Variants in ATP10B observed in about 807,000 individuals in gnomAD.
The protein encoded by ATP10B is phospholipid-transporting ATPase VB.
A neutral mutation model predicts 141.2 loss-of-function variants in ATP10B; 122 were observed. The ratio of observed to expected loss-of-function variants is 0.86; its 90% CI spans 0.75 to 1.00. ATP10B has a LOEUF of 1.00. ATP10B is among the 50% of genes least tolerant of loss of function. The pLI is 0.00. For synonymous variants in ATP10B, 685 were observed against 692.0 expected (o/e 0.99, Z 0.16); for missense variants, 1,876 against 1,825.3 (o/e 1.03, Z -0.51).
At chr5:160,900,910 T>TTTG in the ATP10B span, among the ~76,000 whole-genome samples, 1 of 20,122 alleles carries the variant, frequency 5.0e-5, no homozygotes, top group Non-Finnish European at 1.0e-4. Context: ...GTAGAGAAGT[T>TTTG]TTTTTTTTTT....
At chr5:160,587,373 C>T (rs1221914143) in intron 24 of ATP10B, among the ~76,000 whole-genome samples, 2 of 152,084 alleles carry the variant, frequency 1.3e-5, no homozygotes, top group Non-Finnish European at 2.9e-5. Context: ...CATGATGCCT[C>T]CAGTTTTGTT....
At chr5:160,839,147 T>G (rs1432487594) in intron 1 of ATP10B, among the ~76,000 whole-genome samples, 1 of 152,148 alleles carries the variant, frequency 6.6e-6, no homozygotes, top group African/African-American at 2.4e-5. Flanking sequence ...AGGTATTCCT[T>G]TATAGTAAAG....
At chr5:160,602,878 G>C in intron 20 of ATP10B, 176 bp from the exon 21 acceptor site, 1 of 701,826 alleles carries the variant, frequency 1.4e-6, no homozygotes, top group Non-Finnish European at 2.3e-6. Flanking sequence ...TCCCTTCTGG[G>C]AAATCCAAAC....
chr5:160,925,409 C>A, the ATP10B span, among the ~76,000 whole-genome samples: 2 of 152,218 alleles, frequency 1.3e-5, no homozygotes, highest in Admixed American at 6.5e-5. Context: ...TTTATTATCA[C>A]CCCCGTTTGT....
At chr5:160,795,071 C>T (rs557582994) in intron 1 of ATP10B, among the ~76,000 whole-genome samples, 1 of 152,256 alleles carries the variant, frequency 6.6e-6, no homozygotes, top group Non-Finnish European at 1.5e-5. Context: ...TTCTCACTGA[C>T]TGTAAGGTTG....
the ATP10B span, among the ~76,000 whole-genome samples, chr5:160,862,459 T>C: frequency 2.0e-5 from 3 of 151,970 alleles, no homozygotes; most frequent in Admixed American, 1.3e-4. Context: ...TTTCTTGCAA[T>C]AAGTTTATTC....
chr5:160,763,016 C>T lies in ATP10B; in HGVS notation c.-331+22543G>A, dbSNP rs537869407. Among the ~76,000 whole-genome samples, 323 of 152,126 alleles carry T rather than the reference C, an allele frequency of 2.1e-3. 1 individual carries two copies. The highest frequency in any genetic ancestry group is 7.3e-3 in the African/African-American group (304 of 41,536). ...GGATTAGTCCAACAGGAAAATATCA[C>T]AATCCTAAATATATATGCACCTAAT... is the stretch of plus-strand genomic sequence containing the variant. On this transcript the variant is annotated intron_variant, in intron 2 of 25. Transcript: ENST00000327245.
Position 160,730,319 on chromosome 5 carries a change from A to G in ATP10B, c.-330-13285T>C, listed in dbSNP as rs115087002. Among the ~76,000 whole-genome samples, 322 of 152,206 alleles carry G rather than the reference A, an allele frequency of 2.1e-3. 1 individual carries two copies. The highest frequency in any genetic ancestry group is 7.3e-3 in the African/African-American group (305 of 41,528). On this transcript the variant is annotated intron_variant, in intron 2 of 25. Coordinates refer to ENST00000327245, the MANE Select transcript of ATP10B (RefSeq NM_025153.3). ...TGTGTTCTCAACTTTCATACCTGCTACCTGCTGTCTCATTTCATTGCTACC... is the reference window on the plus strand; with the variant it reads ...TGTGTTCTCAACTTTCATACCTGCTGCCTGCTGTCTCATTTCATTGCTACC...
chr5:160,871,571 A>G, the ATP10B span, among the ~76,000 whole-genome samples: 1 of 151,944 alleles, frequency 6.6e-6, no homozygotes, highest in Admixed American at 6.6e-5. Flanking sequence ...TTCTTATACC[A>G]TTGCATTCTC....
intron 2 of ATP10B, among the ~76,000 whole-genome samples, chr5:160,759,927 T>C (rs1169601962): frequency 6.6e-6 from 1 of 152,244 alleles, no homozygotes; most frequent in African/African-American, 2.4e-5. Context: ...ATAGGAATAG[T>C]GGAGTAATTC....
Position 160,632,204 on chromosome 5 carries a change from G to T in ATP10B, c.1545C>A (p.Ile515=). Reference sequence around the variant, plus strand: ...TAGACCTTTGCCGGTAGTGGCCCTGGATGGGCACCCGGGCACTCTGGCTCC... The same window carrying T: ...TAGACCTTTGCCGGTAGTGGCCCTGTATGGGCACCCGGGCACTCTGGCTCC... The part of the protein sequence containing the change: ...LRRSQSARVP[I]QGHYRQRSMG... The change falls in exon 13 of 26, where the codon ATC becomes ATA. Residue 515 remains isoleucine, a synonymous_variant. Transcript: ENST00000327245. 2 of 1,614,218 alleles carry T rather than the reference G, an allele frequency of 1.2e-6. No homozygotes were observed. Among genetic ancestry groups the T allele is most frequent in the Non-Finnish European group, 1.7e-6 (2 of 1,180,040 alleles).
At chr5:160,795,618 C>T (rs1771890584) in intron 1 of ATP10B, among the ~76,000 whole-genome samples, 1 of 150,936 alleles carries the variant, frequency 6.6e-6, no homozygotes, top group Non-Finnish European at 1.5e-5. Flanking sequence ...ATGTGATTAA[C>T]TTCAGGCTTT....
Position 160,787,105 on chromosome 5 carries a change from GACACACACACAC to G in ATP10B, c.-575-1314_-575-1303del, listed in dbSNP as rs58517660. 7.3e-3 allele frequency among the ~76,000 whole-genome samples: 981 copies of G among 133,656 alleles called. 13 individuals carry two copies. The highest frequency in any genetic ancestry group is 0.022 in the African/African-American group (830 of 38,124). The allele number at this position is 133,656 out of a possible 152,430, so 87.7% of individuals were successfully genotyped here. On this transcript the variant is annotated intron_variant, in intron 1 of 25. Coordinates refer to ENST00000327245, the MANE Select transcript of ATP10B (RefSeq NM_025153.3). The stretch of plus-strand genomic sequence containing the variant: ...CTGCTCCTTGAAGGGTTTTGACACA[GACACACACACAC>G]ACACACACACACACACACACACACA...
intron 2 of ATP10B, among the ~76,000 whole-genome samples, chr5:160,743,112 G>C (rs1216183925): frequency 1.3e-5 from 2 of 152,108 alleles, no homozygotes; most frequent in Non-Finnish European, 2.9e-5. Context: ...CAACCCTATG[G>C]GACTGGCATT....
intron 1 of ATP10B, among the ~76,000 whole-genome samples, chr5:160,808,267 T>A (rs950494416): frequency 4.6e-5 from 7 of 152,182 alleles, no homozygotes; most frequent in Non-Finnish European, 7.3e-5. Context: ...GAGAAAAGAT[T>A]GGGGCTTCGA....
the ATP10B span, among the ~76,000 whole-genome samples, chr5:160,892,598 A>C: frequency 3.3e-5 from 5 of 152,190 alleles, no homozygotes; most frequent in Non-Finnish European, 5.9e-5. Context: ...GCTTTTTCCT[A>C]TACACAAAGA....
rs777718975 is a variant in ATP10B, at chr5:160,617,934, C to T, written c.2456G>A (p.Arg819Gln). ...GTCTAGATGCTTTTGGGTCCGGGCT[C>T]GGATTTTTCTCAGCTTCTTTTCCAT... Reference protein sequence around the residue: ...INMEKKLRKIRARTQKHLDLY... With the variant: ...INMEKKLRKIQARTQKHLDLY... The change falls in exon 16 of 26, where the codon CGA (arginine) becomes CAA (glutamine). Residue 819 changes from arginine (R) to glutamine (Q), a missense_variant. Arg to Gln is a conservative substitution (Grantham distance 43, BLOSUM62 1). Transcript: ENST00000327245. 17 of 1,614,054 alleles carry T rather than the reference C, an allele frequency of 1.1e-5. No individual in the cohort carries two copies. The highest frequency in any genetic ancestry group is 6.7e-5 in the Admixed American group (4 of 60,004).
In ATP10B at chr5:160,670,456, G is replaced by A; in HGVS notation, c.675+7C>T. ...TTTACCATTGAAGATATTAGAAAGA[G>A]CCCTACCTGCTGTGAGAAGCCCTTC... On this transcript the variant is annotated splice_region_variant and intron_variant, in intron 7 of 25. Transcript: ENST00000327245. 1 of 1,613,582 alleles carries A rather than the reference G, an allele frequency of 6.2e-7. No homozygotes were observed. The highest frequency in any genetic ancestry group is 8.5e-7 in the Non-Finnish European group (1 of 1,179,656).
At chr5:160,628,776 G>C (rs548842581) in intron 13 of ATP10B, among the ~76,000 whole-genome samples, 1 of 151,966 alleles carries the variant, frequency 6.6e-6, no homozygotes, top group Admixed American at 6.6e-5. Flanking sequence ...GTACAGACAA[G>C]GAGAAAAAAA....
Sources: gnomAD v4.1 joint callset for allele counts (sites outside exome capture counted in the v4.1 genomes callset) on GRCh38, gnomAD v4.1.1 for gene constraint, MANE v1.5 for transcripts, NCBI Gene and HGNC (gene_info 2026-07-23, HGNC 2026-07-21) for gene names.